Variants in ARHGAP22 observed in about 807,000 individuals in gnomAD.
ARHGAP22 encodes rho GTPase-activating protein 22.
A neutral mutation model predicts 59.1 loss-of-function variants in ARHGAP22; 48 were observed. The observed-to-expected ratio is 0.81, with a 90% CI of 0.64 to 1.03. ARHGAP22 has a LOEUF of 1.03. Among genes scored for constraint, ARHGAP22 ranks in the 50% least tolerant of loss-of-function variants. The probability of loss-of-function intolerance (pLI) is 0.00; values close to 1 mark genes in which losing one functional copy is unlikely to be tolerated. For synonymous variants in ARHGAP22, 445 were observed against 416.4 expected, an observed-to-expected ratio of 1.07 and a Z score of -0.84; for missense variants, 1,015 against 958.7, an observed-to-expected ratio of 1.06 and a Z score of -0.78.
intron 1 of ARHGAP22, among the ~76,000 whole-genome samples, chr10:48,610,551 C>T (rs1179727139): frequency 6.6e-6 from 1 of 152,204 alleles, no homozygotes; most frequent in Non-Finnish European, 1.5e-5. Context: ...ACAGTTAAGT[C>T]AGAGGATGCC....
At chr10:48,626,731 T>C (rs1013082804) in intron 1 of ARHGAP22, among the ~76,000 whole-genome samples, 13 of 152,182 alleles carry the variant, frequency 8.5e-5, no homozygotes, top group African/African-American at 2.7e-4. Flanking sequence ...ATTTGATATT[T>C]GTACCAGGCA....
At chr10:48,572,372 A>C (rs1273422042) in intron 2 of ARHGAP22, among the ~76,000 whole-genome samples, 1 of 152,194 alleles carries the variant, frequency 6.6e-6, no homozygotes, top group Non-Finnish European at 1.5e-5. Flanking sequence ...ACAAGTCACA[A>C]CTACAGCTTT....
At chr10:48,445,484 G>A (rs2045303498), downstream of ARHGAP22, 3 of 152,546 alleles carry the variant, frequency 2.0e-5, no homozygotes, top group South Asian at 4.2e-4. Context: ...AGGCTTTCTG[G>A]AGGGATTTGC....
At chr10:48,563,425 C>T (rs909150876) in intron 2 of ARHGAP22, among the ~76,000 whole-genome samples, 3 of 152,056 alleles carry the variant, frequency 2.0e-5, no homozygotes, top group Non-Finnish European at 2.9e-5. Context: ...GATCTGACCT[C>T]GTGATCCGCC....
chr10:48,645,833 G>C (rs2062270520), intron 1 of ARHGAP22, among the ~76,000 whole-genome samples: 1 of 152,130 alleles, frequency 6.6e-6, no homozygotes, highest in African/African-American at 2.4e-5. Flanking sequence ...AGGGAAAAAA[G>C]AGGGTCGGGA....
At chr10:48,622,091 T>A (rs2061304677) in intron 1 of ARHGAP22, among the ~76,000 whole-genome samples, 1 of 152,208 alleles carries the variant, frequency 6.6e-6, no homozygotes, top group South Asian at 2.1e-4. Context: ...TAAAAATCCA[T>A]CTTGCTTGTC....
chr10:48,604,815 C>G lies in ARHGAP22; in HGVS notation c.-19G>C. On this transcript the variant is annotated 5_prime_UTR_variant, in exon 1 of 10. Coordinates refer to ENST00000249601, the MANE Select transcript of ARHGAP22 (RefSeq NM_021226.4). ...TCAGCATGTTCTTGCAGCCGTCCGG[C>G]CAGCCCCGCAGGGCCGTTCATGCTG... 1 of 1,614,174 alleles carries G rather than the reference C, an allele frequency of 6.2e-7. No homozygotes were observed. Among genetic ancestry groups the G allele is most frequent in the Non-Finnish European group, 8.5e-7 (1 of 1,180,036 alleles).
chr10:48,454,018 C>A, intron 7 of ARHGAP22, 70 bp downstream of exon 7: 1 of 1,495,744 alleles, frequency 6.7e-7, no homozygotes, highest in South Asian at 1.1e-5. Context: ...AGTTGCGTGT[C>A]TCGCTGTGGG....
chr10:48,555,523 C>A lies in ARHGAP22; in HGVS notation c.262G>T (p.Val88Leu), dbSNP rs1358870289. Residue 88 changes from valine to leucine, a missense_variant, in exon 3 of 10, where the codon GTG becomes TTG. Coordinates refer to ENST00000249601, the MANE Select transcript of ARHGAP22 (RefSeq NM_021226.4). The part of the protein sequence containing the change: ...QGFISLQGTQ[V>L]TELPPGPEDP... The stretch of plus-strand genomic sequence containing the variant: ...TCGGGGCCAGGAGGAAGTTCAGTCA[C>A]CTGTGTCCCTTGTAGAGAAATAAAT... The A allele has an allele frequency of 1.2e-6, 2 of 1,614,198 alleles. No homozygotes were observed. Among genetic ancestry groups the A allele is most frequent in the Non-Finnish European group, 1.7e-6 (2 of 1,180,032 alleles).
At chr10:48,544,912 AG>A (rs1211744024) in intron 3 of ARHGAP22, among the ~76,000 whole-genome samples, 2 of 152,338 alleles carry the variant, frequency 1.3e-5, no homozygotes, top group East Asian at 3.9e-4. Context: ...AATTAGAATA[AG>A]TAAATATATA....
At chr10:48,508,427 C>T (rs1021448019) in intron 3 of ARHGAP22, among the ~76,000 whole-genome samples, 14 of 152,202 alleles carry the variant, frequency 9.2e-5, no homozygotes, top group Non-Finnish European at 1.5e-4. Context: ...TGTGTCCTGG[C>T]TGCCTAAGCC....
chr10:48,571,216 G>C (rs910734073), intron 2 of ARHGAP22, among the ~76,000 whole-genome samples: 1 of 152,118 alleles, frequency 6.6e-6, no homozygotes, highest in Non-Finnish European at 1.5e-5. Flanking sequence ...ACTGGAGCCC[G>C]CTACCACCCA....
chr10:48,460,372 T>C (rs953128166), intron 4 of ARHGAP22, among the ~76,000 whole-genome samples: 5 of 152,172 alleles, frequency 3.3e-5, no homozygotes, highest in Admixed American at 1.3e-4. Flanking sequence ...GTGAAAACCA[T>C]AGTCGTGACT....
At chr10:48,527,474 TG>T (rs2054435537) in intron 3 of ARHGAP22, among the ~76,000 whole-genome samples, 2 of 112,498 alleles carry the variant, frequency 1.8e-5, no homozygotes, top group Non-Finnish European at 4.4e-5. Context: ...GATGGATGGA[TG>T]GGTGGATGGA....
At chr10:48,577,734 C>G (rs12773970) in intron 2 of ARHGAP22, among the ~76,000 whole-genome samples, 147,865 of 149,282 alleles carry the variant, frequency 0.99, 73,246 homozygotes, top group Middle Eastern at 1. Context: ...ACAGCTGAGT[C>G]GGGGCGGGCA....
chr10:48,503,493 C>A (rs746747896), intron 3 of ARHGAP22, among the ~76,000 whole-genome samples: 1 of 152,236 alleles, frequency 6.6e-6, no homozygotes, highest in Non-Finnish European at 1.5e-5. Flanking sequence ...AGGCCCCACA[C>A]CTGCTGCTGC....
chr10:48,477,622 A>C (rs1427187542), intron 4 of ARHGAP22, among the ~76,000 whole-genome samples: 1 of 152,236 alleles, frequency 6.6e-6, no homozygotes, highest in African/African-American at 2.4e-5. Context: ...ATAGCTTTCT[A>C]TCCTCATCAC....
chr10:48,543,744 TG>T (rs1427601330), intron 3 of ARHGAP22, among the ~76,000 whole-genome samples: 3 of 152,202 alleles, frequency 2.0e-5, no homozygotes, highest in Admixed American at 1.3e-4. Context: ...TTAGATTTTT[TG>T]TTTGTTTTAA....
At chr10:48,457,549 G>A (rs971759895) in intron 5 of ARHGAP22, among the ~76,000 whole-genome samples, 1 of 152,192 alleles carries the variant, frequency 6.6e-6, no homozygotes, top group Non-Finnish European at 1.5e-5. Context: ...GGAGAGCCTG[G>A]CGGCCAGGAG....
Sources: gnomAD v4.1 joint callset for allele counts (sites outside exome capture counted in the v4.1 genomes callset) on GRCh38, gnomAD v4.1.1 for gene constraint, MANE v1.5 for transcripts, NCBI Gene and HGNC (gene_info 2026-07-23, HGNC 2026-07-21) for gene names.